Variants in DDX50 observed in about 807,000 individuals in gnomAD.
The protein encoded by DDX50 is DExD-box helicase 50, also known as ATP-dependent RNA helicase DDX50.
In DDX50, 56 loss-of-function variants were observed where a neutral mutation model predicts 94.8. The ratio of observed to expected loss-of-function variants is 0.59; its 90% CI spans 0.48 to 0.74. The LOEUF (loss-of-function observed/expected upper bound fraction) is 0.74. Among genes scored for constraint, DDX50 ranks in the 30% least tolerant of loss-of-function variants. The pLI is 0.00. For synonymous variants in DDX50, 264 were observed against 295.4 expected, an observed-to-expected ratio of 0.89 and a Z score of 1.09; for missense variants, 713 against 881.2, an observed-to-expected ratio of 0.81 and a Z score of 2.42.
rs1372347407 is a variant in DDX50, at chr10:68,906,960, T to C, written c.337T>C (p.Ser113Pro). Residue 113 changes from serine to proline, a missense_variant, in exon 2 of 15, where the codon TCT becomes CCT. Coordinates refer to ENST00000373585, the MANE Select transcript of DDX50 (RefSeq NM_024045.2). ...EYEKKSKRVSSLDTSTHKSSD... is the reference protein window; with the variant it reads ...EYEKKSKRVSPLDTSTHKSSD... ...TGAAAAAAAATCAAAGCGAGTATCA[T>C]CTTTAGATACTTCTACTCATAAATC... 5.0e-6 allele frequency: 8 copies of C among 1,595,178 alleles called. No individual in the cohort carries two copies. Among genetic ancestry groups the C allele is most frequent in the Middle Eastern group, 1.7e-4 (1 of 6,010 alleles).
intron 8 of DDX50, among the ~76,000 whole-genome samples, chr10:68,929,352 T>C (rs12416545): frequency 0.038 from 5,651 of 149,566 alleles, 134 homozygotes; most frequent in Middle Eastern, 0.073. Flanking sequence ...TCCTTCCTTC[T>C]TTCCTTCTTT....
chr10:68,913,439 GT>G lies in DDX50; in HGVS notation c.807del (p.Ile270SerfsTer27). ...GACATCTTGGTTGGAACACCTGGTC[GT>G]ATCAAAGACCATCTGCAGAGTGGCC... is the stretch of plus-strand genomic sequence containing the variant. The part of the protein sequence containing the change: ...GIDILVGTPG[R>X]IKDHLQSGRL... On this transcript the variant is annotated frameshift_variant, in exon 6 of 15. Coordinates refer to ENST00000373585, the MANE Select transcript of DDX50 (RefSeq NM_024045.2). LOFTEE classifies it high-confidence loss of function. 1 of 1,613,916 alleles carries G rather than the reference GT, an allele frequency of 6.2e-7. No homozygotes were observed. Among genetic ancestry groups the G allele is most frequent in the Non-Finnish European group, 8.5e-7 (1 of 1,179,974 alleles).
chr10:68,941,368 T>G (rs1443398090), intron 13 of DDX50, among the ~76,000 whole-genome samples, 174 bp downstream of exon 13: 1 of 152,228 alleles, frequency 6.6e-6, no homozygotes, highest in Non-Finnish European at 1.5e-5. Flanking sequence ...AACCCATTCC[T>G]CCAGAGCTGT....
chr10:68,906,342 G>A, intron 1 of DDX50: 1 of 217,982 alleles, frequency 4.6e-6, no homozygotes, highest in Non-Finnish European at 9.1e-6. Context: ...TGCTGGGTAG[G>A]TATTCAATAA....
At chr10:68,901,591 C>A in intron 1 of DDX50, 120 bp downstream of exon 1, 9 of 1,070,972 alleles carry the variant, frequency 8.4e-6, no homozygotes, top group East Asian at 2.9e-5. Context: ...GGCCTCCCTT[C>A]GCGCCGCCCT....
At position 68,936,043 on chromosome 10, in the gene DDX50, T is replaced by C. The variant is rs953496223; in HGVS notation, c.1559T>C (p.Met520Thr). The C allele has an allele frequency of 6.2e-7, 1 of 1,610,692 alleles. No homozygotes were observed. Among genetic ancestry groups the C allele is most frequent in the Non-Finnish European group, 8.5e-7 (1 of 1,178,838 alleles). The change falls in exon 11 of 15, where the codon ATG becomes ACG. Residue 520 changes from methionine to threonine, a missense_variant. Met to Thr is a moderately conservative substitution (Grantham distance 81, BLOSUM62 -1). This residue lies in a region of DDX50 where 428 missense variants were observed against 602.3 expected (regional missense o/e 0.71). Coordinates refer to ENST00000373585, the MANE Select transcript of DDX50 (RefSeq NM_024045.2). Reference sequence around the variant, plus strand: ...AAACGTGTAGGTGTTCCTTCTACAATGGATTTAGTTAAATCTAAAAGCATG... The same window carrying C: ...AAACGTGTAGGTGTTCCTTCTACAACGGATTTAGTTAAATCTAAAAGCATG... ...TFKRVGVPSTMDLVKSKSMDA... is the reference protein window; with the variant it reads ...TFKRVGVPSTTDLVKSKSMDA...
At position 68,907,728 on chromosome 10, in the gene DDX50, C is replaced by CT. The variant is rs111958927; in HGVS notation, c.384+732dup. On this transcript the variant is annotated intron_variant, in intron 2 of 14. Transcript: ENST00000373585. ...AAGTGTTGAATCCTTGTGTTATGGC[C>CT]TTTTTTTTTTTAATTTGTGAATTTG... Among the ~76,000 whole-genome samples, 1,335 of 147,814 alleles carry CT rather than the reference C, an allele frequency of 9.0e-3. 30 individuals are homozygous for CT. The highest frequency in any genetic ancestry group is 0.032 in the African/African-American group (1,267 of 40,128).
chr10:68,943,079 G>A, intron 13 of DDX50, 134 bp from the exon 14 acceptor site: 1 of 736,370 alleles, frequency 1.4e-6, no homozygotes, highest in Non-Finnish European at 2.2e-6. Flanking sequence ...AATTCTTATT[G>A]GATACTGTGT....
intron 11 of DDX50, among the ~76,000 whole-genome samples, 174 bp from the exon 12 acceptor site, chr10:68,936,762 G>A (rs1436509155): frequency 6.6e-6 from 1 of 151,410 alleles, no homozygotes; most frequent in African/African-American, 2.4e-5. Context: ...GATTGCTTGA[G>A]CCCGGGAGGT....
chr10:68,923,223 T>TC (rs1263475348), intron 8 of DDX50, among the ~76,000 whole-genome samples: 1 of 146,326 alleles, frequency 6.8e-6, no homozygotes, highest in African/African-American at 2.5e-5. Context: ...TATATTTTAT[T>TC]TTTTTTTCGG....
intron 1 of DDX50, among the ~76,000 whole-genome samples, chr10:68,905,929 TTAAA>T (rs1841433120): frequency 6.6e-6 from 1 of 151,936 alleles, no homozygotes; most frequent in Admixed American, 6.6e-5. Flanking sequence ...AAATAAATAA[TTAAA>T]TAAAATGGCA....
intron 12 of DDX50, among the ~76,000 whole-genome samples, chr10:68,938,206 C>A (rs974007484): frequency 6.6e-6 from 1 of 152,144 alleles, no homozygotes; most frequent in South Asian, 2.1e-4. Context: ...TCCATGGAAT[C>A]CTGCAAAGTA....
intron 4 of DDX50, 124 bp from the exon 5 acceptor site, chr10:68,913,038 T>C: frequency 1.4e-6 from 1 of 730,442 alleles, no homozygotes; most frequent in Non-Finnish European, 2.3e-6. Context: ...TGATGTGTCT[T>C]TAAATACTTC....
intron 7 of DDX50, 49 bp from the exon 8 acceptor site, chr10:68,919,783 T>C (rs779178417): frequency 3.3e-5 from 53 of 1,593,970 alleles, no homozygotes; most frequent in Non-Finnish European, 4.4e-5. Flanking sequence ...AGAAATATTT[T>C]AAAATAATTT....
intron 8 of DDX50, among the ~76,000 whole-genome samples, chr10:68,927,870 T>G (rs549526573): frequency 6.6e-6 from 1 of 152,284 alleles, no homozygotes; most frequent in South Asian, 2.1e-4. Context: ...AAAGGGATAC[T>G]TTTGAGCTGG....
intron 8 of DDX50, among the ~76,000 whole-genome samples, chr10:68,922,685 C>A (rs1445848880): frequency 6.6e-6 from 1 of 151,858 alleles, no homozygotes; most frequent in Non-Finnish European, 1.5e-5. Flanking sequence ...CCCAGCTGCT[C>A]AGGAGGCTGA....
At chr10:68,918,019 G>C (rs113015833) in intron 7 of DDX50, among the ~76,000 whole-genome samples, 10,357 of 152,012 alleles carry the variant, frequency 0.068, 1,124 homozygotes, top group African/African-American at 0.23. Context: ...CTGCCTCCGG[G>C]GTTCAAGCGA....
intron 12 of DDX50, among the ~76,000 whole-genome samples, chr10:68,938,191 A>G (rs963128152): frequency 2.6e-5 from 4 of 152,214 alleles, no homozygotes; most frequent in African/African-American, 7.2e-5. Flanking sequence ...TTCATTTTGT[A>G]AGTTTCCATG....
At chr10:68,936,874 TTTC>T (rs1842434469) in intron 11 of DDX50, 59 bp from the exon 12 acceptor site, 4 of 1,484,636 alleles carry the variant, frequency 2.7e-6, no homozygotes, top group Non-Finnish European at 3.6e-6. Flanking sequence ...TTTTCCCATT[TTTC>T]TTCTTATCTT....
Sources: gnomAD v4.1 joint callset for allele counts (sites outside exome capture counted in the v4.1 genomes callset) on GRCh38, gnomAD v4.1.1 for gene constraint, gnomAD v4.1.1 regional missense constraint, MANE v1.5 for transcripts, NCBI Gene and HGNC (gene_info 2026-07-23, HGNC 2026-07-21) for gene names.